Variants in BABAM2 observed in about 807,000 individuals in gnomAD.
BABAM2 encodes BRISC and BRCA1-A complex member 2.
Under a neutral mutation model 54.7 loss-of-function variants are expected in BABAM2, and 31 were observed. The observed-to-expected ratio is 0.57, with a 90% CI of 0.43 to 0.77. The LOEUF is 0.77. Among genes scored for constraint, BABAM2 ranks in the 30% least tolerant of loss-of-function variants. BABAM2 has a pLI of 0.00. For synonymous variants in BABAM2, 167 were observed against 162.9 expected, an observed-to-expected ratio of 1.03 and a Z score of -0.19; for missense variants, 364 against 455.8, an observed-to-expected ratio of 0.80 and a Z score of 1.83.
At chr2:27,921,107 C>T (rs1185112160) in intron 2 of BABAM2, among the ~76,000 whole-genome samples, 1 of 151,970 alleles carries the variant, frequency 6.6e-6, no homozygotes, top group Admixed American at 6.6e-5. Flanking sequence ...GAGTCAAATC[C>T]AAATTTACCT....
At chr2:28,144,750 A>G (rs568333237) in intron 7 of BABAM2, among the ~76,000 whole-genome samples, 40 of 152,312 alleles carry the variant, frequency 2.6e-4, no homozygotes, top group South Asian at 1.0e-3. Flanking sequence ...TACAAACACT[A>G]TTTTATTCAG....
At chr2:27,990,165 C>T (rs2148490503) in intron 4 of BABAM2, among the ~76,000 whole-genome samples, 1 of 152,288 alleles carries the variant, frequency 6.6e-6, no homozygotes, top group Admixed American at 6.5e-5. Flanking sequence ...AGGGCTTCTT[C>T]ATGGATCAGC....
At chr2:27,933,726 A>ATGC (rs1668274222) in intron 3 of BABAM2, among the ~76,000 whole-genome samples, 1 of 148,526 alleles carries the variant, frequency 6.7e-6, no homozygotes, top group South Asian at 2.1e-4. Context: ...GCCTCCCAAA[A>ATGC]TGCTGGGATT....
At chr2:28,019,093 A>G (rs2148549851) in intron 4 of BABAM2, among the ~76,000 whole-genome samples, 1 of 152,194 alleles carries the variant, frequency 6.6e-6, no homozygotes, top group Non-Finnish European at 1.5e-5. Context: ...GAGTGAGAGC[A>G]TGCAGTGTTT....
At chr2:28,214,339 G>A (rs912551671) in intron 7 of BABAM2, among the ~76,000 whole-genome samples, 8 of 152,038 alleles carry the variant, frequency 5.3e-5, no homozygotes, top group African/African-American at 1.9e-4. Flanking sequence ...TATTTTTTGA[G>A]AGCAAATAAA....
At chr2:27,924,865 T>A (rs530584623) in intron 2 of BABAM2, among the ~76,000 whole-genome samples, 1 of 152,346 alleles carries the variant, frequency 6.6e-6, no homozygotes, top group Admixed American at 6.5e-5. Context: ...CCTATACACC[T>A]ATTTATCCTA....
chr2:27,975,210 A>C (rs1671503913), intron 3 of BABAM2, among the ~76,000 whole-genome samples: 1 of 152,060 alleles, frequency 6.6e-6, no homozygotes, highest in African/African-American at 2.4e-5. Flanking sequence ...TGTAATCCCC[A>C]TCAAAATCCC....
chr2:28,187,920 G>A lies in BABAM2; in HGVS notation c.681-49282G>A, dbSNP rs552083873. Among the ~76,000 whole-genome samples, 19 of 152,040 alleles carry A rather than the reference G, an allele frequency of 1.2e-4. 1 individual carries two copies. The highest frequency in any genetic ancestry group is 2.4e-4 in the Non-Finnish European group (16 of 67,966). Reference sequence around the variant, plus strand: ...TGACCTCAGGCGATCTGCCCACCTCGGCCTCCCAAAGTGCTGGGATTACAG... The same window carrying A: ...TGACCTCAGGCGATCTGCCCACCTCAGCCTCCCAAAGTGCTGGGATTACAG... On this transcript the variant is annotated intron_variant, in intron 7 of 11. Transcript: ENST00000379624.
chr2:28,037,762 A>G (rs1233168552), intron 5 of BABAM2, among the ~76,000 whole-genome samples: 1 of 152,200 alleles, frequency 6.6e-6, no homozygotes, highest in Non-Finnish European at 1.5e-5. Flanking sequence ...TGTCACGGCC[A>G]AGTAGCTCCT....
chr2:28,013,665 T>TAAAAA (rs55636414), intron 4 of BABAM2, among the ~76,000 whole-genome samples: 4 of 58,066 alleles, frequency 6.9e-5, no homozygotes, highest in Non-Finnish European at 1.3e-4. Context: ...GTCCAGCAAG[T>TAAAAA]AAAAAAAAAA....
At chr2:28,080,870 A>G (rs1179153337) in intron 6 of BABAM2, among the ~76,000 whole-genome samples, 2 of 152,208 alleles carry the variant, frequency 1.3e-5, no homozygotes, top group Non-Finnish European at 2.9e-5. Context: ...CATGTAAGGC[A>G]TCTTTTTTCC....
intron 10 of BABAM2, among the ~76,000 whole-genome samples, chr2:28,267,532 G>A (rs1685089720): frequency 6.6e-6 from 1 of 152,178 alleles, no homozygotes; most frequent in Admixed American, 6.5e-5. Flanking sequence ...GCAACCCCCA[G>A]TCTCTGTGGC....
intron 1 of BABAM2, among the ~76,000 whole-genome samples, chr2:27,891,930 G>C (rs918291979): frequency 6.6e-6 from 1 of 152,060 alleles, no homozygotes; most frequent in Non-Finnish European, 1.5e-5. Flanking sequence ...TTTGACTAGT[G>C]AATCACTCAG....
At chr2:28,015,094 AT>A (rs766550071) in intron 4 of BABAM2, among the ~76,000 whole-genome samples, 10 of 152,206 alleles carry the variant, frequency 6.6e-5, no homozygotes, top group Admixed American at 2.6e-4. Flanking sequence ...TCAAAGCAGC[AT>A]ATGACAGCAT....
chr2:28,058,364 T>C (rs1191926895), intron 6 of BABAM2, among the ~76,000 whole-genome samples: 1 of 151,974 alleles, frequency 6.6e-6, no homozygotes, highest in Admixed American at 6.6e-5. Context: ...AGTATTACAA[T>C]TGGGATTGTA....
chr2:28,325,738 G>A lies in BABAM2; in HGVS notation c.1089-12712G>A, dbSNP rs193129198. Among the ~76,000 whole-genome samples, 56 of 152,306 alleles carry A rather than the reference G, an allele frequency of 3.7e-4. No individual in the cohort carries two copies. In the East Asian group the frequency reaches 9.8e-3, roughly 27 times the overall value. Reference sequence around the variant, plus strand: ...CCCACATCCTCAAACACCCAGCCAGGGGGGTGAATGTCCCAGAGTGTTGGG... The same window carrying A: ...CCCACATCCTCAAACACCCAGCCAGAGGGGTGAATGTCCCAGAGTGTTGGG... On this transcript the variant is annotated intron_variant, in intron 11 of 11. Transcript: ENST00000379624. The surrounding 1 kb of genome is among the most constrained non-coding windows in gnomAD (Gnocchi z 4.3).
intron 7 of BABAM2, among the ~76,000 whole-genome samples, chr2:28,167,794 A>T (rs557460649): frequency 1.3e-5 from 2 of 152,308 alleles, no homozygotes; most frequent in South Asian, 4.1e-4. Context: ...AGATTTGGTT[A>T]CTCTATATAT....
At chr2:28,324,354 C>T (rs898568612) in intron 11 of BABAM2, among the ~76,000 whole-genome samples, 2 of 152,160 alleles carry the variant, frequency 1.3e-5, no homozygotes, top group Admixed American at 6.5e-5. Flanking sequence ...ACCCAAGGCT[C>T]CCGACTCAGT....
chr2:28,044,473 T>A (rs1056331413), intron 5 of BABAM2, among the ~76,000 whole-genome samples: 1 of 152,166 alleles, frequency 6.6e-6, no homozygotes, highest in African/African-American at 2.4e-5. Flanking sequence ...GTGGGTGATC[T>A]GCCTGCATTG....
Sources: allele counts gnomAD v4.1 joint callset (sites outside exome capture counted in the v4.1 genomes callset), GRCh38; gene constraint gnomAD v4.1.1; non-coding constraint Gnocchi (gnomAD v3.1); transcripts MANE v1.5; gene names NCBI Gene and HGNC (gene_info 2026-07-23, HGNC 2026-07-21).